FAM169A: variants seen among roughly 807,000 people sequenced by gnomAD.
FAM169A encodes the protein family with sequence similarity 169 member A, also known as soluble lamin-associated protein of 75 kDa.
In FAM169A, 24 loss-of-function variants were observed where a neutral mutation model predicts 75.7. The ratio of observed to expected loss-of-function variants is 0.32; its 90% confidence interval spans 0.23 to 0.45. FAM169A has a LOEUF of 0.45. Ranked by LOEUF, FAM169A falls within the 20% of genes least tolerant of loss-of-function variation. The pLI, the probability that FAM169A is intolerant of heterozygous loss-of-function variation, is 1.00. For synonymous variants in FAM169A, 271 were observed against 271.0 expected, an observed-to-expected ratio of 1.00 and a Z score of 0.00; for missense variants, 673 against 784.0, an observed-to-expected ratio of 0.86 and a Z score of 1.69.
chr5:74,789,603 G>A (rs1411381261), intron 11 of FAM169A, among the ~76,000 whole-genome samples: 1 of 152,232 alleles, frequency 6.6e-6, no homozygotes, highest in African/African-American at 2.4e-5. Flanking sequence ...TGGGCCATAT[G>A]ATCCAGCAGA....
In FAM169A at chr5:74,780,292, G is replaced by C. The variant is rs1257995652; in HGVS notation, c.*1168C>G. 1 of 152,130 alleles carries C rather than the reference G, an allele frequency of 6.6e-6. No individual in the cohort carries two copies. The highest frequency in any genetic ancestry group is 2.4e-5 in the African/African-American group (1 of 41,416). The allele number at this position is 152,130 out of a possible 1,614,324, so 9.4% of individuals were successfully genotyped here. A position where few individuals can be genotyped will look rare whatever the true frequency, so the allele number is the denominator to read the frequency against. Reference sequence around the variant, plus strand: ...AAAGGCAGTTTACCCCTGCCATATAGGTCTAACACTGGGGGCAGTTTTACT... The same window carrying C: ...AAAGGCAGTTTACCCCTGCCATATACGTCTAACACTGGGGGCAGTTTTACT... On this transcript the variant is annotated 3_prime_UTR_variant, in exon 13 of 13. Coordinates refer to ENST00000687041, the MANE Select transcript of FAM169A (RefSeq NM_001376049.1).
intron 1 of FAM169A, among the ~76,000 whole-genome samples, chr5:74,863,186 T>C (rs1396905934): frequency 3.3e-5 from 5 of 152,172 alleles, no homozygotes; most frequent in Admixed American, 1.3e-4. Flanking sequence ...ATAAGCATTC[T>C]AGGATATCTC....
At chr5:74,813,331 G>A (rs565619654) in intron 6 of FAM169A, among the ~76,000 whole-genome samples, 2 of 151,710 alleles carry the variant, frequency 1.3e-5, no homozygotes, top group African/African-American at 2.4e-5. Flanking sequence ...GTTTGGTTTG[G>A]GATTTTTTTT....
chr5:74,828,429 T>C (rs1748144816), intron 5 of FAM169A, among the ~76,000 whole-genome samples: 1 of 152,170 alleles, frequency 6.6e-6, no homozygotes, highest in African/African-American at 2.4e-5. Flanking sequence ...AGATATACCT[T>C]CATTTTGTAA....
intron 6 of FAM169A, among the ~76,000 whole-genome samples, chr5:74,810,751 CAAAAAAAAAAAAAAA>C (rs750402413): frequency 3.8e-5 from 2 of 52,542 alleles, no homozygotes; most frequent in Non-Finnish European, 6.2e-5. Flanking sequence ...GACTCCGTCT[CAAAAAAAAAAAAAAA>C]AAAAAAAAGT....
chr5:74,829,652 T>C (rs964839692), intron 5 of FAM169A, among the ~76,000 whole-genome samples: 2 of 151,904 alleles, frequency 1.3e-5, no homozygotes, highest in Non-Finnish European at 2.9e-5. Context: ...AGCAAGACCC[T>C]AGCTCAAAAA....
chr5:74,777,659 T>C lies in FAM169A; in HGVS notation c.*3801A>G, dbSNP rs1422336932. 1 of 152,012 alleles carries C rather than the reference T, an allele frequency of 6.6e-6. No homozygotes were observed. The highest frequency in any genetic ancestry group is 1.5e-5 in the Non-Finnish European group (1 of 67,902). The allele number at this position is 152,012 out of a possible 1,614,324, so 9.4% of individuals were successfully genotyped here. A position where few individuals can be genotyped will look rare whatever the true frequency, so the allele number is the denominator to read the frequency against. On this transcript the variant is annotated 3_prime_UTR_variant, in exon 13 of 13. Coordinates refer to ENST00000687041, the MANE Select transcript of FAM169A (RefSeq NM_001376049.1). ...ATTAATTGTGCCTTTAACAAAGTCA[T>C]TCAATGTCTAAACAAATTCAGTATC...
chr5:74,832,590 T>C (rs1238539963), intron 5 of FAM169A, among the ~76,000 whole-genome samples: 2 of 149,990 alleles, frequency 1.3e-5, no homozygotes, highest in East Asian at 1.9e-4. Flanking sequence ...TCAGTATATA[T>C]ATGAAATATG....
chr5:74,852,998 G>C (rs1281133712), intron 1 of FAM169A, among the ~76,000 whole-genome samples: 1 of 152,100 alleles, frequency 6.6e-6, no homozygotes, highest in Non-Finnish European at 1.5e-5. Context: ...ACATAATAAT[G>C]TGGTTCATTT....
At chr5:74,792,986 T>C (rs1294463267) in intron 11 of FAM169A, among the ~76,000 whole-genome samples, 1 of 152,150 alleles carries the variant, frequency 6.6e-6, no homozygotes, top group Non-Finnish European at 1.5e-5. Context: ...GCAAAAAATA[T>C]GGAACCAAGC....
At chr5:74,818,760 C>T (rs565981954) in intron 5 of FAM169A, among the ~76,000 whole-genome samples, 12 of 146,118 alleles carry the variant, frequency 8.2e-5, no homozygotes, top group Admixed American at 2.1e-4. Context: ...ATTGTGGTGA[C>T]GGTTTCACAG....
chr5:74,860,827 TAAAA>T (rs11293001), intron 1 of FAM169A, among the ~76,000 whole-genome samples: 1 of 71,654 alleles, frequency 1.4e-5, no homozygotes, highest in Non-Finnish European at 2.9e-5. Flanking sequence ...AATGTAGCAC[TAAAA>T]AAAAAAAAAA....
At chr5:74,829,460 G>A (rs1024692844) in intron 5 of FAM169A, among the ~76,000 whole-genome samples, 3 of 152,194 alleles carry the variant, frequency 2.0e-5, no homozygotes, top group Non-Finnish European at 2.9e-5. Context: ...TTGTTGCTAA[G>A]CCCGTGTTTT....
At chr5:74,818,030 T>A (rs2112590527) in intron 5 of FAM169A, among the ~76,000 whole-genome samples, 1 of 152,224 alleles carries the variant, frequency 6.6e-6, no homozygotes, top group East Asian at 1.9e-4. Flanking sequence ...AACCTAAACA[T>A]AAGATCTAAA....
intron 11 of FAM169A, among the ~76,000 whole-genome samples, chr5:74,784,874 G>A (rs1451191119): frequency 1.4e-5 from 2 of 142,558 alleles, no homozygotes; most frequent in South Asian, 2.2e-4. Flanking sequence ...AGCCAAGATC[G>A]CGCCACTGCA....
At position 74,804,488 on chromosome 5, in the gene FAM169A, C is replaced by A; in HGVS notation, c.912+5G>T. The A allele has an allele frequency of 6.6e-7, 1 of 1,506,496 alleles. No individual in the cohort carries two copies. Among genetic ancestry groups the A allele is most frequent in the Non-Finnish European group, 9.2e-7 (1 of 1,092,520 alleles). The allele number at this position is 1,506,496 out of a possible 1,614,324, so 93.3% of individuals were successfully genotyped here. A position where few individuals can be genotyped will look rare whatever the true frequency, so the allele number is the denominator to read the frequency against. On this transcript the variant is annotated splice_donor_5th_base_variant and intron_variant, in intron 8 of 12. Transcript: ENST00000687041. ...CAACAATAAACATATAGACAGTGTA[C>A]CTACAGTTAGCTGCATCTCACTAGA...
At position 74,782,995 on chromosome 5, in the gene FAM169A, G is replaced by A. The variant is rs762951169; in HGVS notation, c.1400C>T (p.Ser467Phe). ...TACCACCAGTGGAACAAGATTTGTAGAGTCTTCACTGGAATTAAAAGGCTG... is the reference window on the plus strand; with the variant it reads ...TACCACCAGTGGAACAAGATTTGTAAAGTCTTCACTGGAATTAAAAGGCTG... ...KLQPFNSSED[S>F]TNLVPLVVES... Residue 467 changes from serine to phenylalanine, a missense_variant, in exon 12 of 13, where the codon TCT (serine) becomes TTT (phenylalanine). Physicochemically the swap from Ser to Phe is radical, Grantham distance 155 (BLOSUM62 -2). Around this residue, in one of 3 missense-constraint regions of FAM169A, gnomAD observed 510 missense variants for 550.9 expected, o/e 0.93. Transcript: ENST00000687041. The A allele has an allele frequency of 5.6e-6, 9 of 1,614,046 alleles. No homozygotes were observed. Among genetic ancestry groups the A allele is most frequent in the Non-Finnish European group, 7.6e-6 (9 of 1,179,944 alleles).
intron 11 of FAM169A, among the ~76,000 whole-genome samples, chr5:74,792,199 T>G (rs940736668): frequency 2.0e-5 from 3 of 152,206 alleles, no homozygotes; most frequent in African/African-American, 4.8e-5. Flanking sequence ...AGGGGTAGAC[T>G]TGTAATGGTT....
intron 6 of FAM169A, among the ~76,000 whole-genome samples, chr5:74,807,347 T>C (rs1746942780): frequency 6.6e-6 from 1 of 152,222 alleles, no homozygotes; most frequent in Non-Finnish European, 1.5e-5. Context: ...CTTTATTGAA[T>C]ACAGTACTCT....
Sources: gnomAD v4.1 joint callset for allele counts (sites outside exome capture counted in the v4.1 genomes callset) on GRCh38, gnomAD v4.1.1 for gene constraint, gnomAD v4.1.1 regional missense constraint, MANE v1.5 for transcripts, NCBI Gene and HGNC (gene_info 2026-07-23, HGNC 2026-07-21) for gene names.